The following OR6N1 variants were observed in gnomAD, a reference collection of about 807,000 sequenced individuals.
OR6N1 encodes olfactory receptor 6N1.
For synonymous variants in OR6N1, 170 were observed against 150.7 expected, an observed-to-expected ratio of 1.13 and a Z score of -0.94; for missense variants, 394 against 371.7, an observed-to-expected ratio of 1.06 and a Z score of -0.49.
the OR6N1 span, among the ~76,000 whole-genome samples, chr1:158,802,374 A>AT: frequency 4.0e-5 from 6 of 151,588 alleles, no homozygotes; most frequent in Admixed American, 1.3e-4. Context: ...CACCCAGCTA[A>AT]TTTTTTGTAT....
At chr1:158,795,163 C>T in the OR6N1 span, among the ~76,000 whole-genome samples, 1 of 152,254 alleles carries the variant, frequency 6.6e-6, no homozygotes, top group African/African-American at 2.4e-5. Flanking sequence ...CAAAAGACTC[C>T]AAACAGGCAG....
the OR6N1 span, among the ~76,000 whole-genome samples, chr1:158,816,945 T>A: frequency 6.6e-6 from 1 of 152,232 alleles, no homozygotes; most frequent in African/African-American, 2.4e-5. Flanking sequence ...TGAGAAAGTC[T>A]CACCACAGTC....
the OR6N1 span, among the ~76,000 whole-genome samples, chr1:158,839,752 G>A: frequency 1.3e-5 from 2 of 152,196 alleles, no homozygotes; most frequent in African/African-American, 2.4e-5. Flanking sequence ...TATTTTGAAT[G>A]TGGCTTAATC....
chr1:158,837,561 T>A, the OR6N1 span, among the ~76,000 whole-genome samples: 1 of 151,810 alleles, frequency 6.6e-6, no homozygotes, highest in South Asian at 2.1e-4. Flanking sequence ...ATATCTCTTT[T>A]ATTCCTTCAC....
the OR6N1 span, among the ~76,000 whole-genome samples, chr1:158,814,885 G>A: frequency 6.6e-6 from 1 of 152,100 alleles, no homozygotes. Context: ...GACACACTGA[G>A]GTATACAGAA....
At chr1:158,809,009 G>C in the OR6N1 span, 5 of 152,944 alleles carry the variant, frequency 3.3e-5, no homozygotes, top group African/African-American at 9.7e-5. Context: ...GTAGCACTCA[G>C]TCATCCCTAA....
the OR6N1 span, among the ~76,000 whole-genome samples, chr1:158,800,293 C>T: frequency 1.3e-5 from 2 of 151,938 alleles, no homozygotes; most frequent in Admixed American, 1.3e-4. Flanking sequence ...CCTATCTACC[C>T]CATACCACAA....
At chr1:158,792,161 A>AT in the OR6N1 span, among the ~76,000 whole-genome samples, 130 of 151,902 alleles carry the variant, frequency 8.6e-4, no homozygotes, top group African/African-American at 2.9e-3. Context: ...CCTTCTTTGT[A>AT]TTTTTTTTAC....
At chr1:158,827,139 G>A in the OR6N1 span, among the ~76,000 whole-genome samples, 1 of 152,152 alleles carries the variant, frequency 6.6e-6, no homozygotes, top group Non-Finnish European at 1.5e-5. Flanking sequence ...AGAGAAGAGG[G>A]ATGCTAGTTA....
chr1:158,766,374 G>A lies in OR6N1; in HGVS notation c.309C>T (p.Phe103=). ...ACTCAGTCGCTCCAAGGGAGTGAAA[G>A]AAATAGATCTGCAGGAGACACCCAG... ...SFSGCLLQIY[F]FHSLGATECY... is the part of the protein sequence containing the mutation. The change falls in exon 2 of 2, where the codon TTC becomes TTT. Residue 103 remains phenylalanine (F), a synonymous_variant. Coordinates refer to ENST00000641846, the MANE Select transcript of OR6N1 (RefSeq NM_001005185.2). The A allele has an allele frequency of 6.2e-7, 1 of 1,614,158 alleles. No individual in the cohort carries two copies.
At chr1:158,810,990 G>C in the OR6N1 span, among the ~76,000 whole-genome samples, 1 of 152,092 alleles carries the variant, frequency 6.6e-6, no homozygotes, top group African/African-American at 2.4e-5. Context: ...CAGGTATTAA[G>C]CCTAGTACCC....
chr1:158,803,892 C>T, the OR6N1 span, among the ~76,000 whole-genome samples: 3 of 152,126 alleles, frequency 2.0e-5, no homozygotes, highest in South Asian at 6.2e-4. Context: ...GGCATTTATT[C>T]TGTATCAGAA....
chr1:158,830,146 G>A, the OR6N1 span, among the ~76,000 whole-genome samples: 106 of 152,240 alleles, frequency 7.0e-4, no homozygotes, highest in Non-Finnish European at 1.4e-3. Flanking sequence ...AACTCCTGTC[G>A]TGAGCTCTTT....
At chr1:158,800,983 G>T in the OR6N1 span, among the ~76,000 whole-genome samples, 1 of 152,178 alleles carries the variant, frequency 6.6e-6, no homozygotes, top group East Asian at 1.9e-4. Context: ...GGCATGAGAA[G>T]AGATCACAAT....
At chr1:158,803,437 C>G in the OR6N1 span, among the ~76,000 whole-genome samples, 1 of 152,182 alleles carries the variant, frequency 6.6e-6, no homozygotes, top group Admixed American at 6.5e-5. Context: ...ACCAACAGAT[C>G]TTTTGTTTTC....
chr1:158,812,915 T>C, the OR6N1 span, among the ~76,000 whole-genome samples: 1 of 152,208 alleles, frequency 6.6e-6, no homozygotes, highest in Admixed American at 6.5e-5. Context: ...ATATGAGATG[T>C]CTAACACACA....
At chr1:158,775,492 G>A (rs1657569520), upstream of OR6N1, 1 of 152,094 alleles carries the variant, frequency 6.6e-6, no homozygotes, top group African/African-American at 2.4e-5. Context: ...AGTATGGTGA[G>A]GCTTTGAATT....
At chr1:158,810,548 C>T in the OR6N1 span, among the ~76,000 whole-genome samples, 2 of 152,164 alleles carry the variant, frequency 1.3e-5, no homozygotes, top group African/African-American at 2.4e-5. Context: ...TGACTTTTCT[C>T]AAGTCTGCAA....
At chr1:158,812,268 C>A in the OR6N1 span, among the ~76,000 whole-genome samples, 2 of 151,956 alleles carry the variant, frequency 1.3e-5, no homozygotes, top group Non-Finnish European at 2.9e-5. Flanking sequence ...AAATTACACA[C>A]AAAACAAAAT....
Sources: allele counts gnomAD v4.1 joint callset (sites outside exome capture counted in the v4.1 genomes callset), GRCh38; gene constraint gnomAD v4.1.1; transcripts MANE v1.5; gene names NCBI Gene and HGNC (gene_info 2026-07-23, HGNC 2026-07-21).